The following AFDN variants were observed in gnomAD, a reference collection of about 807,000 sequenced individuals.
The protein encoded by AFDN is afadin.
In AFDN, 68 loss-of-function variants were observed where a neutral mutation model predicts 216.6. The ratio of observed to expected loss-of-function variants is 0.31; its 90% CI spans 0.26 to 0.38. AFDN has a LOEUF of 0.38. Among genes scored for constraint, AFDN ranks in the 10% least tolerant of loss-of-function variants. The pLI, the probability that AFDN is intolerant of heterozygous loss-of-function variation, is 1.00. For missense variants in AFDN, 2,136 were observed against 2,342.0 expected (o/e 0.91, Z 1.82); for synonymous variants, 868 against 853.7 (o/e 1.02, Z -0.29).
Position 167,911,500 on chromosome 6 carries a change from G to T in AFDN, c.2037+11G>T. 1.2e-6 allele frequency: 2 copies of T among 1,613,300 alleles called. No homozygotes were observed. The highest frequency in any genetic ancestry group is 1.7e-6 in the Non-Finnish European group (2 of 1,179,356). ...GAGGGTGTCATCCAGGTACGTTCCA[G>T]CCGGCCAGCCATGCTCCTCCAGTGA... On this transcript the variant is annotated intron_variant, in intron 15 of 33. Coordinates refer to ENST00000683244, the MANE Select transcript of AFDN (RefSeq NM_001386888.1).
intron 23 of AFDN, among the ~76,000 whole-genome samples, chr6:167,935,376 C>T (rs144923696): frequency 1.9e-3 from 289 of 152,292 alleles, no homozygotes; most frequent in Non-Finnish European, 3.4e-3. Context: ...TTGAAGGGCA[C>T]AAAGGCTGGA....
chr6:167,951,425 G>A lies in AFDN; in HGVS notation c.4071G>A (p.Pro1357=), dbSNP rs2076664. 0.15 allele frequency: 248,357 copies of A among 1,613,636 alleles called. 18,406 individuals are homozygous for A. Among genetic ancestry groups the A allele is most frequent in the Middle Eastern group, 0.17 (1,036 of 6,062 alleles). Residue 1357 remains proline, a synonymous_variant, in exon 30 of 34, where the codon CCG becomes CCA. Coordinates refer to ENST00000683244, the MANE Select transcript of AFDN (RefSeq NM_001386888.1). The surrounding 1 kb of genome is among the most constrained non-coding windows in gnomAD (Gnocchi z 7.1). The part of the protein sequence containing the change: ...PGRWKTPAAI[P]ATPVAVSQPI... ...GTTGGAAAACACCAGCAGCCATACC[G>A]GCCACCCCTGTGGCCGTCTCCCAGC...
intron 23 of AFDN, among the ~76,000 whole-genome samples, chr6:167,934,670 A>G (rs1294907244): frequency 6.6e-6 from 1 of 152,024 alleles, no homozygotes; most frequent in Non-Finnish European, 1.5e-5. Context: ...TGGATTCATG[A>G]TGATTTGGCC....
chr6:167,965,199 C>G (rs1382322635), intron 31 of AFDN: 5 of 454,300 alleles, frequency 1.1e-5, no homozygotes. Context: ...TTCCTGATAA[C>G]TGAAGTAAAC....
chr6:167,968,288 A>C (rs1458390087), intron 32 of AFDN, among the ~76,000 whole-genome samples: 1 of 152,180 alleles, frequency 6.6e-6, no homozygotes, highest in Non-Finnish European at 1.5e-5. Context: ...GTCTTTGCTG[A>C]GGATGGCGCC....
intron 30 of AFDN, among the ~76,000 whole-genome samples, chr6:167,953,284 C>T (rs1483567281): frequency 6.6e-6 from 1 of 152,152 alleles, no homozygotes; most frequent in Non-Finnish European, 1.5e-5. Context: ...AATCTTTCTA[C>T]CTCACAATGA....
Position 167,907,288 on chromosome 6 carries a change from A to G in AFDN, c.1768A>G (p.Arg590Gly), listed in dbSNP as rs761688357. The G allele has an allele frequency of 9.5e-5, 153 of 1,611,560 alleles. 1 individual carries two copies. The highest frequency in any genetic ancestry group is 3.7e-4 in the Admixed American group (22 of 59,978). ...QQPDYRRQESRTQDASGPELI... is the reference protein window; with the variant it reads ...QQPDYRRQESGTQDASGPELI... ...GCCAGATTATCGCAGGCAAGAAAGC[A>G]GGTAGGAAACACATCATTTTTCAAT... The change falls in exon 13 of 34, where the codon AGA (arginine) becomes GGA (glycine). Residue 590 changes from arginine to glycine, a missense_variant and splice_region_variant. Arg to Gly is a moderately radical substitution (Grantham distance 125). Coordinates refer to ENST00000683244, the MANE Select transcript of AFDN (RefSeq NM_001386888.1).
At chr6:167,897,763 C>G (rs971589847) in intron 10 of AFDN, among the ~76,000 whole-genome samples, 23 of 150,348 alleles carry the variant, frequency 1.5e-4, no homozygotes, top group African/African-American at 5.4e-4. Flanking sequence ...TCTCCTGCCT[C>G]AGCCTCCTGA....
intron 6 of AFDN, among the ~76,000 whole-genome samples, chr6:167,888,686 G>T (rs1208088485): frequency 1.3e-5 from 2 of 152,184 alleles, no homozygotes; most frequent in African/African-American, 4.8e-5. Flanking sequence ...TTTGTTGAAT[G>T]AATGACTTGC....
chr6:167,830,869 C>T (rs745564405), intron 1 of AFDN, among the ~76,000 whole-genome samples: 35 of 145,694 alleles, frequency 2.4e-4, no homozygotes, highest in Non-Finnish European at 4.5e-4. Context: ...ATAGCTACAT[C>T]TATATTCCAG....
At chr6:167,925,232 A>G (rs745892063) in intron 23 of AFDN, 141 bp downstream of exon 23, 4 of 638,846 alleles carry the variant, frequency 6.3e-6, no homozygotes, top group Non-Finnish European at 1.1e-5. Flanking sequence ...TAGGAGAGGA[A>G]TGGTGTTACA....
intron 1 of AFDN, among the ~76,000 whole-genome samples, chr6:167,828,187 T>C (rs1158068710): frequency 6.6e-6 from 1 of 152,224 alleles, no homozygotes; most frequent in African/African-American, 2.4e-5. Flanking sequence ...TTTAATAGCG[T>C]CTATTTTTGA....
At chr6:167,880,019 G>C (rs1785913856) in intron 5 of AFDN, among the ~76,000 whole-genome samples, 1 of 152,142 alleles carries the variant, frequency 6.6e-6, no homozygotes, top group Non-Finnish European at 1.5e-5. Flanking sequence ...ATAAAGAGCA[G>C]CACCATAGAG....
At chr6:167,838,433 A>G (rs2128117973) in intron 1 of AFDN, among the ~76,000 whole-genome samples, 1 of 152,304 alleles carries the variant, frequency 6.6e-6, no homozygotes, top group Middle Eastern at 3.4e-3. Flanking sequence ...CTTACAATTA[A>G]ACAATAAACA....
chr6:167,943,577 CAT>C, intron 25 of AFDN, 102 bp downstream of exon 25: 1 of 900,904 alleles, frequency 1.1e-6, no homozygotes, highest in South Asian at 1.4e-5. Context: ...AAAACGTGCT[CAT>C]ATTACTCTTT....
chr6:167,827,148 C>G lies in AFDN; in HGVS notation c.16C>G (p.Arg6Gly), dbSNP rs766153050. Residue 6 changes from arginine (R) to glycine (G), a missense_variant, in exon 1 of 34, where the codon CGT (arginine) becomes GGT (glycine). Arg to Gly is a moderately radical substitution (Grantham distance 125). Coordinates refer to ENST00000683244, the MANE Select transcript of AFDN (RefSeq NM_001386888.1). MSAGG[R>G]DEERRKLADI... ...GGCCAGGACCATGTCGGCGGGCGGC[C>G]GTGACGAGGAGCGGCGGAAGCTGGC... 1 of 1,293,352 alleles carries G rather than the reference C, an allele frequency of 7.7e-7. No individual in the cohort carries two copies. The allele number at this position is 1,293,352 out of a possible 1,614,324, so 80.1% of individuals were successfully genotyped here.
chr6:167,836,258 G>T (rs1780422140), intron 1 of AFDN, among the ~76,000 whole-genome samples: 1 of 152,188 alleles, frequency 6.6e-6, no homozygotes. Flanking sequence ...GGCGTCTCAT[G>T]TATTCAGCAC....
intron 1 of AFDN, among the ~76,000 whole-genome samples, chr6:167,829,461 C>T (rs1388609731): frequency 1.3e-5 from 2 of 151,846 alleles, no homozygotes; most frequent in Non-Finnish European, 2.9e-5. Flanking sequence ...TTTTAACCAT[C>T]TAATGATTAT....
At chr6:167,908,046 A>C (rs1789931096) in intron 13 of AFDN, among the ~76,000 whole-genome samples, 1 of 152,288 alleles carries the variant, frequency 6.6e-6, no homozygotes, top group African/African-American at 2.4e-5. Flanking sequence ...ACAGAAATAC[A>C]GAAAGACTGC....
Sources: gnomAD v4.1 joint callset for allele counts (sites outside exome capture counted in the v4.1 genomes callset) on GRCh38, gnomAD v4.1.1 for gene constraint, Gnocchi (gnomAD v3.1) non-coding constraint, MANE v1.5 for transcripts, NCBI Gene and HGNC (gene_info 2026-07-23, HGNC 2026-07-21) for gene names.